Variants in SH3GL2 observed in about 807,000 individuals in gnomAD.
The protein encoded by SH3GL2 is SH3 domain containing GRB2 like 2, endophilin A1, also known as endophilin-A1.
A neutral mutation model predicts 46.0 loss-of-function variants in SH3GL2; 24 were observed. The ratio of observed to expected loss-of-function variants is 0.52; its 90% CI spans 0.38 to 0.73. The LOEUF (loss-of-function observed/expected upper bound fraction) is 0.73. Ranked by LOEUF, SH3GL2 falls within the 30% of genes least tolerant of loss-of-function variation. The pLI is 0.00. For synonymous variants in SH3GL2, 196 were observed against 147.1 expected, an observed-to-expected ratio of 1.33 and a Z score of -2.40; for missense variants, 413 against 424.2, an observed-to-expected ratio of 0.97 and a Z score of 0.23.
chr9:17,712,894 A>G (rs1337727459), intron 1 of SH3GL2, among the ~76,000 whole-genome samples: 1 of 130,262 alleles, frequency 7.7e-6, no homozygotes, highest in Non-Finnish European at 1.5e-5. Context: ...TATAACCTTG[A>G]TTACAATGTC....
At chr9:17,678,529 T>G (rs1670397149) in intron 1 of SH3GL2, among the ~76,000 whole-genome samples, 1 of 152,230 alleles carries the variant, frequency 6.6e-6, no homozygotes, top group Non-Finnish European at 1.5e-5. Flanking sequence ...TTGTGGATAT[T>G]AGCCCTTTGT....
intron 6 of SH3GL2, chr9:17,790,407 T>C: frequency 1.0e-6 from 1 of 983,806 alleles, no homozygotes; most frequent in Non-Finnish European, 1.2e-6. Context: ...GCCTTACTCC[T>C]GACTGTGGCA....
At chr9:17,679,848 A>C (rs1371959234) in intron 1 of SH3GL2, among the ~76,000 whole-genome samples, 1 of 152,126 alleles carries the variant, frequency 6.6e-6, no homozygotes. Context: ...AGGGCTGTTG[A>C]ATTTTGTCAA....
intron 1 of SH3GL2, among the ~76,000 whole-genome samples, chr9:17,622,615 A>C (rs758922079): frequency 1.4e-4 from 21 of 152,200 alleles, no homozygotes; most frequent in Non-Finnish European, 2.8e-4. Context: ...TACCAATTAA[A>C]AAATGTGGAA....
intron 1 of SH3GL2, among the ~76,000 whole-genome samples, chr9:17,695,300 C>T (rs930832803): frequency 2.0e-5 from 3 of 152,110 alleles, no homozygotes; most frequent in Non-Finnish European, 4.4e-5. Context: ...CATGTGGAAG[C>T]ATCAGAGAGG....
intron 1 of SH3GL2, among the ~76,000 whole-genome samples, chr9:17,731,592 A>T (rs1020808610): frequency 6.6e-6 from 1 of 152,006 alleles, no homozygotes; most frequent in Non-Finnish European, 1.5e-5. Context: ...CCATGTTGGC[A>T]CTCTTATCTT....
At chr9:17,732,014 G>A (rs981528486) in intron 1 of SH3GL2, among the ~76,000 whole-genome samples, 1 of 152,136 alleles carries the variant, frequency 6.6e-6, no homozygotes, top group Non-Finnish European at 1.5e-5. Context: ...CTGTGATAGG[G>A]AAACAAGCAT....
At position 17,579,272 on chromosome 9, in the gene SH3GL2, C is replaced by G. The variant is rs575767112; in HGVS notation, c.30C>G (p.Phe10Leu). MSVAGLKKQ[F>L]HKATQKVSEK... The stretch of plus-strand genomic sequence containing the variant: ...CGGTGGCCGGCCTCAAGAAGCAGTT[C>G]CATAAAGCCACTCAGGTAAGGCGCG... Residue 10 changes from phenylalanine to leucine, a missense_variant, in exon 1 of 9, where the codon TTC becomes TTG. Coordinates refer to ENST00000380607, the MANE Select transcript of SH3GL2 (RefSeq NM_003026.5). 2 of 1,566,730 alleles carry G rather than the reference C, an allele frequency of 1.3e-6. No individual in the cohort carries two copies. The highest frequency in any genetic ancestry group is 1.7e-6 in the Non-Finnish European group (2 of 1,157,654).
chr9:17,673,627 C>G (rs145585881), intron 1 of SH3GL2, among the ~76,000 whole-genome samples: 109 of 152,274 alleles, frequency 7.2e-4, no homozygotes, highest in African/African-American at 2.4e-3. Flanking sequence ...GACCTACTAG[C>G]CAGCCATGAT....
At chr9:17,753,668 C>G (rs972644623) in intron 2 of SH3GL2, among the ~76,000 whole-genome samples, 4 of 152,148 alleles carry the variant, frequency 2.6e-5, no homozygotes, top group African/African-American at 9.7e-5. Context: ...TGCAAAAACT[C>G]TTTGGTATAA....
At chr9:17,625,183 C>G (rs1003712988) in intron 1 of SH3GL2, among the ~76,000 whole-genome samples, 1 of 152,110 alleles carries the variant, frequency 6.6e-6, no homozygotes, top group Non-Finnish European at 1.5e-5. Flanking sequence ...GTAGGTGCCC[C>G]TTTAACATTG....
chr9:17,678,554 G>A (rs1324219753), intron 1 of SH3GL2, among the ~76,000 whole-genome samples: 3 of 151,950 alleles, frequency 2.0e-5, no homozygotes, highest in African/African-American at 7.2e-5. Flanking sequence ...TGAGTAGATT[G>A]CAAAAATGTT....
chr9:17,662,084 C>A (rs1393010356), intron 1 of SH3GL2, among the ~76,000 whole-genome samples: 1 of 152,104 alleles, frequency 6.6e-6, no homozygotes, highest in Non-Finnish European at 1.5e-5. Flanking sequence ...CAAAGTGTAT[C>A]TTGCTGAATA....
At chr9:17,621,169 C>T (rs1211742877) in intron 1 of SH3GL2, among the ~76,000 whole-genome samples, 2 of 152,122 alleles carry the variant, frequency 1.3e-5, no homozygotes, top group Non-Finnish European at 2.9e-5. Context: ...TTTGGGTTAT[C>T]AATAATCTGT....
chr9:17,776,747 G>C (rs1237407013), intron 3 of SH3GL2, among the ~76,000 whole-genome samples: 1 of 150,020 alleles, frequency 6.7e-6, no homozygotes, highest in Non-Finnish European at 1.5e-5. Flanking sequence ...AATAAAACTT[G>C]CCACAAGCTG....
chr9:17,586,235 G>A (rs536449311), intron 1 of SH3GL2, among the ~76,000 whole-genome samples: 71 of 152,210 alleles, frequency 4.7e-4, no homozygotes, highest in Middle Eastern at 3.4e-3. Context: ...GCCATCCCCT[G>A]GGTCAAATTG....
At chr9:17,651,106 G>A (rs1819946797) in intron 1 of SH3GL2, among the ~76,000 whole-genome samples, 1 of 152,020 alleles carries the variant, frequency 6.6e-6, no homozygotes, top group Non-Finnish European at 1.5e-5. Context: ...AGTTTTTACT[G>A]TTCTTAATTC....
intron 3 of SH3GL2, among the ~76,000 whole-genome samples, chr9:17,782,077 T>C (rs1823824862): frequency 6.6e-6 from 1 of 152,192 alleles, no homozygotes; most frequent in Non-Finnish European, 1.5e-5. Context: ...TTGCTCACTT[T>C]ATCACAGAGA....
chr9:17,724,696 A>G (rs1208244509), intron 1 of SH3GL2, among the ~76,000 whole-genome samples: 9 of 152,150 alleles, frequency 5.9e-5, no homozygotes, highest in African/African-American at 1.7e-4. Flanking sequence ...CTTCTAGGGA[A>G]AGTTTCTTGA....
Sources: gnomAD v4.1 joint callset for allele counts (sites outside exome capture counted in the v4.1 genomes callset) on GRCh38, gnomAD v4.1.1 for gene constraint, MANE v1.5 for transcripts, NCBI Gene and HGNC (gene_info 2026-07-23, HGNC 2026-07-21) for gene names.